The following CEP128 variants were observed in gnomAD, a reference collection of about 807,000 sequenced individuals.
CEP128 encodes centrosomal protein 128.
Under a neutral mutation model 156.7 loss-of-function variants are expected in CEP128, and 132 were observed. The ratio of observed to expected loss-of-function variants is 0.84; its 90% CI spans 0.73 to 0.97. The LOEUF is 0.97. CEP128 is among the 50% of genes least tolerant of loss of function. The pLI, the probability that CEP128 is intolerant of heterozygous loss-of-function variation, is 0.00. For missense variants in CEP128, 1,252 were observed against 1,281.9 expected, an observed-to-expected ratio of 0.98 and a Z score of 0.36; for synonymous variants, 469 against 448.9, an observed-to-expected ratio of 1.04 and a Z score of -0.57.
intron 23 of CEP128, among the ~76,000 whole-genome samples, chr14:80,510,613 C>G (rs1464329169): frequency 6.6e-6 from 1 of 152,034 alleles, no homozygotes; most frequent in Non-Finnish European, 1.5e-5. Flanking sequence ...TCTGATTGCT[C>G]TAACTAGGAC....
chr14:80,513,510 T>C (rs978312019), intron 23 of CEP128, among the ~76,000 whole-genome samples: 1 of 152,206 alleles, frequency 6.6e-6, no homozygotes, highest in Non-Finnish European at 1.5e-5. Flanking sequence ...TATCTTTCGG[T>C]AGTTTTGGAA....
At chr14:80,568,935 C>T (rs1209185701) in intron 20 of CEP128, among the ~76,000 whole-genome samples, 1 of 152,106 alleles carries the variant, frequency 6.6e-6, no homozygotes, top group Non-Finnish European at 1.5e-5. Flanking sequence ...CTAAATATTC[C>T]TACCTATGAA....
chr14:80,559,261 GA>G lies in CEP128; in HGVS notation c.2880+17del. The G allele has an allele frequency of 6.2e-7, 1 of 1,603,600 alleles. No individual in the cohort carries two copies. The highest frequency in any genetic ancestry group is 1.1e-5 in the South Asian group (1 of 89,594). ...GCAGTAATTCTGATAAAAGGAGAAA[GA>G]AAATGCCCCAACTTACCGTTTCTAA... On this transcript the variant is annotated intron_variant, in intron 21 of 24. Transcript: ENST00000555265.
At position 80,830,108 on chromosome 14, in the gene CEP128, TA is replaced by T. The variant is rs549775776; in HGVS notation, c.1209+1034del. 228 of 441,546 alleles carry T rather than the reference TA, an allele frequency of 5.2e-4. 2 individuals carry two copies. The Admixed American group carries it at 5.9e-3, about 12-fold the overall frequency. 27.4% of individuals were successfully genotyped at this position (441,546 alleles called of 1,614,324 possible). ...CATTTTCATCAGCAGGATCAAGGGC[TA>T]AAATAATACCCATGAAGCAAACTTT... On this transcript the variant is annotated intron_variant, in intron 13 of 24. Coordinates refer to ENST00000555265, the MANE Select transcript of CEP128 (RefSeq NM_152446.5).
intron 6 of CEP128, among the ~76,000 whole-genome samples, chr14:80,903,427 A>G (rs1009839478): frequency 6.6e-6 from 1 of 152,276 alleles, no homozygotes; most frequent in East Asian, 1.9e-4. Flanking sequence ...AAGCTCCATG[A>G]CTTTGGTTTA....
At chr14:80,811,336 G>C (rs1356267820) in intron 13 of CEP128, among the ~76,000 whole-genome samples, 3 of 152,074 alleles carry the variant, frequency 2.0e-5, no homozygotes, top group East Asian at 1.9e-4. Context: ...TCTGGTTCTA[G>C]GTCTTTGAGG....
At chr14:80,674,206 G>GA (rs1454112442) in intron 19 of CEP128, among the ~76,000 whole-genome samples, 1 of 151,846 alleles carries the variant, frequency 6.6e-6, no homozygotes, top group Non-Finnish European at 1.5e-5. Context: ...TGAACCCAAG[G>GA]AGATAACAAC....
chr14:80,924,677 T>A (rs149071526), intron 2 of CEP128, among the ~76,000 whole-genome samples: 36 of 152,100 alleles, frequency 2.4e-4, no homozygotes, highest in African/African-American at 7.2e-4. Flanking sequence ...AGCTCTTGCA[T>A]CCTTCTACCA....
chr14:80,734,871 GA>G (rs796867054), intron 19 of CEP128, among the ~76,000 whole-genome samples: 16 of 133,506 alleles, frequency 1.2e-4, no homozygotes, highest in African/African-American at 4.2e-4. Flanking sequence ...AAAAAAAAAG[GA>G]AAAACAGTAA....
intron 19 of CEP128, among the ~76,000 whole-genome samples, chr14:80,586,510 C>T (rs1018637818): frequency 2.0e-5 from 3 of 152,172 alleles, no homozygotes; most frequent in African/African-American, 7.2e-5. Flanking sequence ...GACTGCCCTG[C>T]TTTGACTTTC....
At chr14:80,549,774 C>G (rs1213269521) in intron 21 of CEP128, among the ~76,000 whole-genome samples, 1 of 152,168 alleles carries the variant, frequency 6.6e-6, no homozygotes, top group Non-Finnish European at 1.5e-5. Context: ...AGTGATGGCT[C>G]TTCTTCAACT....
chr14:80,904,034 C>A (rs1460077273), intron 6 of CEP128, among the ~76,000 whole-genome samples: 1 of 152,112 alleles, frequency 6.6e-6, no homozygotes. Context: ...GGGATATCTG[C>A]ACTCTCATGT....
At chr14:80,576,140 A>G (rs1891344011) in intron 20 of CEP128, among the ~76,000 whole-genome samples, 1 of 152,112 alleles carries the variant, frequency 6.6e-6, no homozygotes, top group African/African-American at 2.4e-5. Context: ...AAATAAAAAC[A>G]CTAAACAGCA....
chr14:80,623,991 T>A (rs1460265449), intron 19 of CEP128, among the ~76,000 whole-genome samples: 2 of 152,202 alleles, frequency 1.3e-5, no homozygotes, highest in Admixed American at 6.5e-5. Context: ...GTTAAACATA[T>A]TCACCTGACA....
intron 13 of CEP128, among the ~76,000 whole-genome samples, chr14:80,815,323 A>G (rs1267073642): frequency 6.6e-6 from 1 of 152,210 alleles, no homozygotes; most frequent in African/African-American, 2.4e-5. Flanking sequence ...AATGCCCAAC[A>G]TCACTAATCA....
chr14:80,856,825 A>C (rs1290402390), intron 9 of CEP128, among the ~76,000 whole-genome samples: 1 of 137,614 alleles, frequency 7.3e-6, no homozygotes, highest in East Asian at 2.2e-4. Context: ...CTGCCTCCCG[A>C]GTTAAAGCTA....
chr14:80,771,748 G>A (rs1250600723), intron 16 of CEP128, among the ~76,000 whole-genome samples: 1 of 152,198 alleles, frequency 6.6e-6, no homozygotes, highest in Non-Finnish European at 1.5e-5. Flanking sequence ...GTCCTCTAAA[G>A]AGAACTAAGC....
intron 19 of CEP128, among the ~76,000 whole-genome samples, chr14:80,595,782 T>TG (rs1892288269): frequency 6.6e-6 from 1 of 152,180 alleles, no homozygotes; most frequent in South Asian, 2.1e-4. Context: ...TCCACATGGC[T>TG]GGGGAGGCCT....
intron 10 of CEP128, among the ~76,000 whole-genome samples, chr14:80,838,492 AG>A (rs1202249162): frequency 1.3e-5 from 2 of 152,192 alleles, no homozygotes; most frequent in African/African-American, 4.8e-5. Flanking sequence ...ACCAGGCCTC[AG>A]GAAGTCTGGG....
Sources: allele counts gnomAD v4.1 joint callset (sites outside exome capture counted in the v4.1 genomes callset), GRCh38; gene constraint gnomAD v4.1.1; transcripts MANE v1.5; gene names NCBI Gene and HGNC (gene_info 2026-07-23, HGNC 2026-07-21).